SVOP: variants seen among roughly 807,000 people sequenced by gnomAD.
SVOP encodes synaptic vesicle 2-related protein.
SVOP carries 17 observed loss-of-function variants against 69.1 expected under a neutral mutation model. That is an observed-to-expected ratio of 0.25 (90% CI 0.17 to 0.37). The LOEUF (loss-of-function observed/expected upper bound fraction) is 0.37, where lower values mean the gene tolerates loss of function less well. SVOP is among the 10% of genes least tolerant of loss of function. The pLI, the probability that SVOP is intolerant of heterozygous loss-of-function variation, is 1.00. For synonymous variants in SVOP, 238 were observed against 238.6 expected (o/e 1.00, Z 0.02); for missense variants, 435 against 597.5 (o/e 0.73, Z 2.84).
intron 1 of SVOP, among the ~76,000 whole-genome samples, chr12:109,011,651 T>A (rs1593210087): frequency 6.6e-6 from 1 of 152,162 alleles, no homozygotes; most frequent in Non-Finnish European, 1.5e-5. Flanking sequence ...ACAGCAATAG[T>A]CATATAATCA....
At chr12:108,962,528 G>T (rs2040023617) in intron 5 of SVOP, among the ~76,000 whole-genome samples, 1 of 152,112 alleles carries the variant, frequency 6.6e-6, no homozygotes, top group Non-Finnish European at 1.5e-5. Context: ...TGCCCACGCT[G>T]ATCTTGAACT....
In SVOP at chr12:108,940,795, C is replaced by A. The variant is rs1462628938; in HGVS notation, c.757G>T (p.Val253Leu). The A allele has an allele frequency of 1.3e-6, 2 of 1,537,020 alleles. No homozygotes were observed. The highest frequency in any genetic ancestry group is 1.4e-5 in the African/African-American group (1 of 73,032). The change falls in exon 8 of 16, where the codon GTG (valine) becomes TTG (leucine). Residue 253 changes from valine (V) to leucine (L), a missense_variant. Val to Leu is a conservative substitution (Grantham distance 32). Coordinates refer to ENST00000610966, the MANE Select transcript of SVOP (RefSeq NM_018711.5). ...TAAAGGATACCTACGAAACACAGCA[C>A]GGCAAAGAGGAGGAGCGGGACAGCT... ...LSAVPLLLFA[V>L]LCFWLPESAR...
chr12:109,011,910 T>C lies in SVOP; in HGVS notation c.35+8924A>G, dbSNP rs115949893. Among the ~76,000 whole-genome samples, 396 of 152,170 alleles carry C rather than the reference T, an allele frequency of 2.6e-3. 2 individuals are homozygous for C. Among genetic ancestry groups the C allele is most frequent in the African/African-American group, 8.8e-3 (367 of 41,512 alleles). On this transcript the variant is annotated intron_variant, in intron 1 of 15. Transcript: ENST00000610966. Reference sequence around the variant, plus strand: ...GTGGAATCTGAAAAAGTCAAACTCATAGAAGCAGAGAGTGGAATGGTGATT... The same window carrying C: ...GTGGAATCTGAAAAAGTCAAACTCACAGAAGCAGAGAGTGGAATGGTGATT...
chr12:109,004,619 G>C (rs145250643), intron 1 of SVOP, among the ~76,000 whole-genome samples: 1 of 151,914 alleles, frequency 6.6e-6, no homozygotes, highest in East Asian at 1.9e-4. Flanking sequence ...TGTTGCCCAG[G>C]CTGGTCTCAA....
intron 7 of SVOP, among the ~76,000 whole-genome samples, chr12:108,941,453 G>C (rs932876498): frequency 6.6e-6 from 1 of 151,946 alleles, no homozygotes; most frequent in Non-Finnish European, 1.5e-5. Flanking sequence ...TGGGCTCCTC[G>C]GCCTCCCAAA....
intron 12 of SVOP, among the ~76,000 whole-genome samples, chr12:108,920,846 C>T (rs1229373628): frequency 6.6e-6 from 1 of 152,144 alleles, no homozygotes; most frequent in Non-Finnish European, 1.5e-5. Flanking sequence ...ATCTGCCTGC[C>T]TTGGCCTCCC....
chr12:109,015,319 T>C (rs2040362149), intron 1 of SVOP, among the ~76,000 whole-genome samples: 1 of 152,128 alleles, frequency 6.6e-6, no homozygotes. Context: ...ATGATCTGAC[T>C]TTTAAAGAAT....
chr12:108,961,819 A>T (rs1035799833), intron 5 of SVOP, among the ~76,000 whole-genome samples: 5 of 152,216 alleles, frequency 3.3e-5, no homozygotes, highest in African/African-American at 1.2e-4. Flanking sequence ...TTATTTTATT[A>T]ATGACGTTTT....
At chr12:108,986,527 T>C (rs913165171) in intron 1 of SVOP, among the ~76,000 whole-genome samples, 2 of 152,238 alleles carry the variant, frequency 1.3e-5, no homozygotes, top group South Asian at 2.1e-4. Context: ...GGTTGACCCA[T>C]GTGAAATCGC....
intron 8 of SVOP, among the ~76,000 whole-genome samples, chr12:108,939,375 C>A (rs1258773788): frequency 6.6e-6 from 1 of 152,122 alleles, no homozygotes; most frequent in Non-Finnish European, 1.5e-5. Context: ...AAATCTCACC[C>A]CCATTGTTCA....
chr12:108,985,322 A>G (rs1329754817), intron 1 of SVOP, among the ~76,000 whole-genome samples: 1 of 151,934 alleles, frequency 6.6e-6, no homozygotes, highest in Non-Finnish European at 1.5e-5. Context: ...ATAAAAAAGG[A>G]AGGAAGGAAG....
At chr12:108,988,432 T>G (rs902932298) in intron 1 of SVOP, among the ~76,000 whole-genome samples, 2 of 152,186 alleles carry the variant, frequency 1.3e-5, no homozygotes, top group Non-Finnish European at 2.9e-5. Flanking sequence ...AACTTCATTC[T>G]TTCACATACG....
intron 5 of SVOP, 109 bp downstream of exon 5, chr12:108,972,296 A>T: frequency 9.7e-7 from 1 of 1,031,436 alleles, no homozygotes. Context: ...CTTCAACATC[A>T]TCCTTATTAG....
At chr12:109,019,506 T>G (rs767521315) in intron 1 of SVOP, among the ~76,000 whole-genome samples, 13 of 152,184 alleles carry the variant, frequency 8.5e-5, no homozygotes, top group Non-Finnish European at 1.9e-4. Context: ...TTAAATTATT[T>G]TTTATTGGGG....
Position 108,909,040 on chromosome 12 carries a change from A to C in SVOP, c.*3495T>G, listed in dbSNP as rs2039664208. 6.6e-6 allele frequency: 1 copy of C among 152,208 alleles called. No homozygotes were observed. The highest frequency in any genetic ancestry group is 6.5e-5 in the Admixed American group (1 of 15,284). 9.4% of individuals were successfully genotyped at this position (152,208 alleles called of 1,614,324 possible). On this transcript the variant is annotated 3_prime_UTR_variant, in exon 16 of 16. Transcript: ENST00000610966. The stretch of plus-strand genomic sequence containing the variant: ...TCCCATTCTACCTTCTTTGAAAAGA[A>C]ATATGATGTCCAGCACAGGGGCAGC...
intron 1 of SVOP, among the ~76,000 whole-genome samples, chr12:108,988,859 G>A (rs867303503): frequency 8.6e-5 from 12 of 139,706 alleles, no homozygotes; most frequent in Middle Eastern, 3.8e-3. Context: ...TGCAGCCTCC[G>A]CTTCCCAGGT....
At chr12:108,971,866 C>A (rs1023796905) in intron 5 of SVOP, among the ~76,000 whole-genome samples, 11 of 152,030 alleles carry the variant, frequency 7.2e-5, no homozygotes, top group African/African-American at 2.7e-4. Context: ...CCAGCCTGGG[C>A]AATATGGTGA....
chr12:108,915,907 A>T, intron 14 of SVOP, 35 bp from the exon 15 acceptor site: 3 of 1,534,830 alleles, frequency 2.0e-6, no homozygotes, highest in Non-Finnish European at 2.6e-6. Flanking sequence ...GCATGGGGAC[A>T]TGCAGGTTCC....
At chr12:109,004,260 G>A (rs186885883) in intron 1 of SVOP, among the ~76,000 whole-genome samples, 1 of 152,194 alleles carries the variant, frequency 6.6e-6, no homozygotes, top group Non-Finnish European at 1.5e-5. Flanking sequence ...TACCAAAATA[G>A]CAGGGAACAT....
Sources: gnomAD v4.1 joint callset for allele counts (sites outside exome capture counted in the v4.1 genomes callset) on GRCh38, gnomAD v4.1.1 for gene constraint, MANE v1.5 for transcripts, NCBI Gene and HGNC (gene_info 2026-07-23, HGNC 2026-07-21) for gene names.